Variants in ANKRD17 observed in about 807,000 individuals in gnomAD.
The protein encoded by ANKRD17 is ankyrin repeat domain-containing protein 17.
ANKRD17 carries 19 observed loss-of-function variants against 229.7 expected under a neutral mutation model. That is an observed-to-expected ratio of 0.08 (90% confidence interval 0.06 to 0.12). The LOEUF is 0.12. Ranked by LOEUF, ANKRD17 falls within the 10% of genes least tolerant of loss-of-function variation. The probability of loss-of-function intolerance (pLI) is 1.00; values close to 1 mark genes in which losing one functional copy is unlikely to be tolerated. For missense variants in ANKRD17, 2,176 were observed against 3,176.8 expected, an observed-to-expected ratio of 0.68 and a Z score of 7.57; for synonymous variants, 1,112 against 1,146.1, an observed-to-expected ratio of 0.97 and a Z score of 0.60.
At chr4:73,122,001 G>C (rs1726801913) in intron 18 of ANKRD17, among the ~76,000 whole-genome samples, 2 of 152,028 alleles carry the variant, frequency 1.3e-5, no homozygotes, top group Admixed American at 6.5e-5. Context: ...TTCATGAAAG[G>C]TCTGGACTGA....
rs1476749296 is a variant in ANKRD17, at chr4:73,219,059, TCAAA to T, written c.393+39213_393+39216del. Among the ~76,000 whole-genome samples the T allele has an allele frequency of 3.9e-4, 59 of 152,178 alleles. 2 individuals carry two copies. Among genetic ancestry groups the T allele is most frequent in the Admixed American group, 3.7e-3 (57 of 15,272 alleles). On this transcript the variant is annotated intron_variant, in intron 1 of 33. Transcript: ENST00000358602. ...CCTGGCAACACAGCAAGATTCCGTC[TCAAA>T]CAAACAAACCAAACCCATATCTGTC...
intron 1 of ANKRD17, among the ~76,000 whole-genome samples, chr4:73,249,579 G>A (rs1041105183): frequency 1.4e-4 from 22 of 152,216 alleles, no homozygotes; most frequent in Non-Finnish European, 7.3e-5. Context: ...AAAATCGGCC[G>A]GGTGCTGTGG....
intron 23 of ANKRD17, among the ~76,000 whole-genome samples, chr4:73,114,385 G>C (rs1347932750): frequency 6.6e-6 from 1 of 152,080 alleles, no homozygotes; most frequent in Admixed American, 6.6e-5. Flanking sequence ...AATTTTCTCA[G>C]TGATTTCATT....
intron 1 of ANKRD17, among the ~76,000 whole-genome samples, chr4:73,232,205 G>A (rs1743110440): frequency 6.6e-6 from 1 of 152,182 alleles, no homozygotes; most frequent in East Asian, 1.9e-4. Flanking sequence ...AGAAGGAAGG[G>A]GGAGAAAAAG....
intron 1 of ANKRD17, among the ~76,000 whole-genome samples, chr4:73,231,103 G>C (rs1052423989): frequency 2.6e-5 from 4 of 152,004 alleles, no homozygotes; most frequent in African/African-American, 7.2e-5. Context: ...TCCTCCACTT[G>C]AAAGCAAATA....
chr4:73,251,552 GAA>G (rs1053400176), intron 1 of ANKRD17, among the ~76,000 whole-genome samples: 1 of 143,872 alleles, frequency 7.0e-6, no homozygotes. Flanking sequence ...GATGAAAGCT[GAA>G]AAAAGTTAGG....
intron 30 of ANKRD17, among the ~76,000 whole-genome samples, chr4:73,082,948 G>C (rs1324977086): frequency 2.0e-5 from 3 of 152,142 alleles, no homozygotes; most frequent in Non-Finnish European, 4.4e-5. Context: ...CATAGTTGTT[G>C]AAGGGAACAT....
At chr4:73,189,653 G>A (rs1050055108) in intron 1 of ANKRD17, among the ~76,000 whole-genome samples, 2 of 152,028 alleles carry the variant, frequency 1.3e-5, no homozygotes, top group Non-Finnish European at 2.9e-5. Flanking sequence ...CAACCCTTTC[G>A]TTCTTCAGGT....
Position 73,092,096 on chromosome 4 carries a change from T to C in ANKRD17, c.5532A>G (p.Ser1844=), listed in dbSNP as rs767652779. 3 of 1,614,232 alleles carry C rather than the reference T, an allele frequency of 1.9e-6. No individual in the cohort carries two copies. Among genetic ancestry groups the C allele is most frequent in the Middle Eastern group, 3.3e-4 (2 of 6,062 alleles). The change falls in exon 29 of 34, where the codon TCA becomes TCG. Residue 1844 remains serine, a synonymous_variant. Coordinates refer to ENST00000358602, the MANE Select transcript of ANKRD17 (RefSeq NM_032217.5). ...GIKMTTVALS[S]TSQTATALTV... ...TGAGTGCTGTGGCAGTTTGAGATGTTGATGACAGAGCTACAGTTGTCATTT... is the reference window on the plus strand; with the variant it reads ...TGAGTGCTGTGGCAGTTTGAGATGTCGATGACAGAGCTACAGTTGTCATTT...
At chr4:73,117,275 C>T (rs1038502830) in intron 22 of ANKRD17, among the ~76,000 whole-genome samples, 3 of 152,008 alleles carry the variant, frequency 2.0e-5, no homozygotes, top group African/African-American at 7.2e-5. Context: ...GAGATAGGAA[C>T]AAGGAAAAGA....
chr4:73,160,037 A>C (rs1411358288), intron 3 of ANKRD17, among the ~76,000 whole-genome samples: 1 of 152,112 alleles, frequency 6.6e-6, no homozygotes, highest in Non-Finnish European at 1.5e-5. Flanking sequence ...CTCTAAACCC[A>C]AATAGAATAT....
intron 1 of ANKRD17, among the ~76,000 whole-genome samples, chr4:73,231,669 C>T (rs1743060268): frequency 6.6e-6 from 1 of 152,188 alleles, no homozygotes; most frequent in Admixed American, 6.5e-5. Flanking sequence ...TTCCTATATG[C>T]TAAGATTTGA....
At chr4:73,137,169 A>G (rs1729011437) in intron 15 of ANKRD17, among the ~76,000 whole-genome samples, 1 of 152,136 alleles carries the variant, frequency 6.6e-6, no homozygotes, top group Non-Finnish European at 1.5e-5. Context: ...ATATGTAGGT[A>G]CCTGAAGGAA....
chr4:73,115,743 C>A, intron 23 of ANKRD17, 78 bp downstream of exon 23: 2 of 1,166,408 alleles, frequency 1.7e-6, no homozygotes, highest in South Asian at 1.4e-5. Flanking sequence ...CACTTTACTA[C>A]TCAAACTAGG....
At chr4:73,083,282 A>G (rs926005846) in intron 30 of ANKRD17, among the ~76,000 whole-genome samples, 4 of 152,214 alleles carry the variant, frequency 2.6e-5, no homozygotes, top group Admixed American at 6.5e-5. Context: ...CTGAATATGG[A>G]CTGATTAATT....
At chr4:73,106,721 A>G (rs1487053037) in intron 24 of ANKRD17, among the ~76,000 whole-genome samples, 1 of 152,000 alleles carries the variant, frequency 6.6e-6, no homozygotes, top group Non-Finnish European at 1.5e-5. Context: ...TCTACTAAAA[A>G]TACAAAAATT....
chr4:73,077,453 G>T lies in ANKRD17; in HGVS notation c.7489C>A (p.His2497Asn). ...PMSDPGVFSQ[H>N]QAMERDSTGI... is the part of the protein sequence containing the mutation. ...GTACTATCTCGCTCCATTGCTTGAT[G>T]TTGTGAAAATACTCCTGGGTCAGAC... The change falls in exon 32 of 34, where the codon CAT (histidine) becomes AAT (asparagine). Residue 2497 changes from histidine to asparagine, a missense_variant. Transcript: ENST00000358602. 6.2e-7 allele frequency: 1 copy of T among 1,613,824 alleles called. No individual in the cohort carries two copies. Among genetic ancestry groups the T allele is most frequent in the Non-Finnish European group, 8.5e-7 (1 of 1,179,854 alleles).
chr4:73,244,858 T>A (rs1198671818), intron 1 of ANKRD17, among the ~76,000 whole-genome samples: 1 of 152,158 alleles, frequency 6.6e-6, no homozygotes, highest in African/African-American at 2.4e-5. Flanking sequence ...TTAGTAAAAC[T>A]CTTGCCTGCA....
intron 2 of ANKRD17, among the ~76,000 whole-genome samples, chr4:73,173,806 C>G (rs1734355047): frequency 6.6e-6 from 1 of 151,976 alleles, no homozygotes; most frequent in South Asian, 2.1e-4. Flanking sequence ...GTAAGCACAC[C>G]CAGTCTCCAG....
Sources: allele counts gnomAD v4.1 joint callset (sites outside exome capture counted in the v4.1 genomes callset), GRCh38; gene constraint gnomAD v4.1.1; transcripts MANE v1.5; gene names NCBI Gene and HGNC (gene_info 2026-07-23, HGNC 2026-07-21).